The following ADORA1 variants were observed in gnomAD, a reference collection of about 807,000 sequenced individuals.
ADORA1 encodes adenosine receptor A1.
ADORA1 carries 6 observed loss-of-function variants against 19.9 expected under a neutral mutation model. The ratio of observed to expected loss-of-function variants is 0.30; its 90% CI spans 0.17 to 0.59. ADORA1 has a LOEUF of 0.59. Among genes scored for constraint, ADORA1 ranks in the 20% least tolerant of loss-of-function variants. The pLI is 0.87. For missense variants in ADORA1, 302 were observed against 439.2 expected (o/e 0.69, Z 2.79); for synonymous variants, 194 against 188.4 (o/e 1.03, Z -0.24).
intron 3 of ADORA1, chr1:203,164,956 C>T (rs1655489785): frequency 1.5e-6 from 2 of 1,365,536 alleles, no homozygotes; most frequent in Admixed American, 2.1e-5. Context: ...CACATGGGAG[C>T]AATTTTTACT....
intron 3 of ADORA1, among the ~76,000 whole-genome samples, chr1:203,132,426 A>G (rs1654372155): frequency 1.3e-5 from 2 of 152,056 alleles, no homozygotes; most frequent in African/African-American, 4.8e-5. Flanking sequence ...GGAGTGAGGG[A>G]TGGTGGGTGT....
intron 3 of ADORA1, among the ~76,000 whole-genome samples, chr1:203,154,100 C>G (rs1655119775): frequency 6.6e-6 from 1 of 152,206 alleles, no homozygotes; most frequent in Non-Finnish European, 1.5e-5. Context: ...CCATGAGGAG[C>G]AGGTGATGAG....
chr1:203,128,966 A>G lies in ADORA1; in HGVS notation c.125A>G (p.Asp42Gly). 1 of 1,614,150 alleles carries G rather than the reference A, an allele frequency of 6.2e-7. No homozygotes were observed. Among genetic ancestry groups the G allele is most frequent in the Non-Finnish European group, 8.5e-7 (1 of 1,180,040 alleles). The change falls in exon 3 of 4, where the codon GAT becomes GGT. Residue 42 changes from aspartate to glycine, a missense_variant. Transcript: ENST00000337894. The surrounding 1 kb of genome is among the most constrained non-coding windows in gnomAD (Gnocchi z 5.9). Reference protein sequence around the residue: ...WAVKVNQALRDATFCFIVSLA... With the variant: ...WAVKVNQALRGATFCFIVSLA... ...GTGAAGGTGAACCAGGCGCTGCGGG[A>G]TGCCACCTTCTGCTTCATCGTGTCG...
intron 3 of ADORA1, 32 bp downstream of exon 3, chr1:203,129,214 A>G (rs753636552): frequency 2.5e-6 from 4 of 1,576,610 alleles, no homozygotes; most frequent in Non-Finnish European, 3.5e-6. Flanking sequence ...TACTCGCAGC[A>G]CCACATGATG....
intron 3 of ADORA1, among the ~76,000 whole-genome samples, chr1:203,147,014 C>T (rs185813111): frequency 3.2e-4 from 48 of 152,338 alleles, no homozygotes; most frequent in Middle Eastern, 3.4e-3. Context: ...GAGTGCTTCA[C>T]GCAAAGAGCA....
chr1:203,132,573 T>C (rs1192211601), intron 3 of ADORA1, among the ~76,000 whole-genome samples: 2 of 152,204 alleles, frequency 1.3e-5, no homozygotes, highest in African/African-American at 4.8e-5. Flanking sequence ...TGGGGCATGG[T>C]GGCTCATGCC....
intron 3 of ADORA1, among the ~76,000 whole-genome samples, chr1:203,157,792 G>A (rs1281179153): frequency 6.6e-6 from 1 of 152,224 alleles, no homozygotes; most frequent in Non-Finnish European, 1.5e-5. Flanking sequence ...CTACATCTGG[G>A]CCTGCTTGAG....
rs1353616119 is a variant in ADORA1 at position 203,128,358 on chromosome 1, C to T, written c.-132C>T. 1.6e-6 allele frequency: 2 copies of T among 1,289,992 alleles called. No individual in the cohort carries two copies. The highest frequency in any genetic ancestry group is 2.0e-6 in the Non-Finnish European group (2 of 989,246). 79.9% of individuals were successfully genotyped at this position (1,289,992 alleles called of 1,614,324 possible). A position where few individuals can be genotyped will look rare whatever the true frequency, so the allele number is the denominator to read the frequency against. ...TCCAGAGCCCAGCCCAGCCCTACCG[C>T]GCGCGGCCCGGAGCTCTGTTCCCTG... On this transcript the variant is annotated 5_prime_UTR_variant, in exon 2 of 4. Transcript: ENST00000337894. This position sits in a 1 kb window ranked among gnomAD's most constrained non-coding sequence, Gnocchi z 5.9.
chr1:203,137,734 C>T (rs1207136533), intron 3 of ADORA1, among the ~76,000 whole-genome samples: 1 of 152,094 alleles, frequency 6.6e-6, no homozygotes, highest in Non-Finnish European at 1.5e-5. Flanking sequence ...TAAAATTTTG[C>T]ATATGTATAT....
chr1:203,165,203 G>C lies in ADORA1; in HGVS notation c.342-58G>C, dbSNP rs1431024601. On this transcript the variant is annotated intron_variant, in intron 3 of 3. Transcript: ENST00000337894. This position sits in a 1 kb window ranked among gnomAD's most constrained non-coding sequence, Gnocchi z 5.9. ...CCCTGGAGGCCAGGCGTGCCTCAGAGGGGCCTTTCGAGGCAGCTGGGAGGC... is the reference window on the plus strand; with the variant it reads ...CCCTGGAGGCCAGGCGTGCCTCAGACGGGCCTTTCGAGGCAGCTGGGAGGC... The C allele has an allele frequency of 1.9e-6, 3 of 1,600,558 alleles. No individual in the cohort carries two copies. In the African/African-American group the frequency reaches 4.0e-5, roughly 22 times the overall value.
At chr1:203,141,673 C>T (rs756515594) in intron 3 of ADORA1, among the ~76,000 whole-genome samples, 3 of 150,550 alleles carry the variant, frequency 2.0e-5, no homozygotes, top group Admixed American at 6.6e-5. Flanking sequence ...CTCTGCCTCC[C>T]GGGTTCAAGT....
chr1:203,164,493 A>G (rs1387393148), intron 3 of ADORA1, among the ~76,000 whole-genome samples: 1 of 152,220 alleles, frequency 6.6e-6, no homozygotes, highest in African/African-American at 2.4e-5. Context: ...AGTGAATATC[A>G]GTTTTCTTTC....
intron 3 of ADORA1, among the ~76,000 whole-genome samples, chr1:203,143,613 A>T (rs1654767830): frequency 6.6e-6 from 1 of 152,120 alleles, no homozygotes; most frequent in Non-Finnish European, 1.5e-5. Flanking sequence ...TCAAAAAATA[A>T]TATTCTTGGC....
In ADORA1 at chr1:203,164,946, C is replaced by T. The variant is rs1655489303; in HGVS notation, c.342-315C>T. On this transcript the variant is annotated intron_variant, in intron 3 of 3. Transcript: ENST00000337894. The stretch of plus-strand genomic sequence containing the variant: ...AGATAACCAGTGGGGGCATGCTGAG[C>T]ACATGGGAGCAATTTTTACTGTGGT... The T allele has an allele frequency of 2.4e-6, 3 of 1,225,176 alleles. No homozygotes were observed. The African/African-American group carries it at 4.5e-5, about 19-fold the overall frequency. The allele number at this position is 1,225,176 out of a possible 1,614,324, so 75.9% of individuals were successfully genotyped here. A position where few individuals can be genotyped will look rare whatever the true frequency, so the allele number is the denominator to read the frequency against.
chr1:203,143,254 A>G (rs1243322779), intron 3 of ADORA1, among the ~76,000 whole-genome samples: 1 of 152,190 alleles, frequency 6.6e-6, no homozygotes, highest in Non-Finnish European at 1.5e-5. Flanking sequence ...AGGGCATCAC[A>G]TGGTGAGAGG....
chr1:203,128,622 G>C lies in ADORA1; in HGVS notation c.-57-163G>C, dbSNP rs1654231223. Among the ~76,000 whole-genome samples the C allele has an allele frequency of 6.6e-6, 1 of 152,212 alleles. No individual in the cohort carries two copies. The highest frequency in any genetic ancestry group is 2.1e-4 in the South Asian group (1 of 4,836). ...ACCTCTGGGAATGATAAAGGGAAGG[G>C]ACAAAGATTAGGCAGAGAAGGGTCC... On this transcript the variant is annotated intron_variant, in intron 2 of 3. Coordinates refer to ENST00000337894, the MANE Select transcript of ADORA1 (RefSeq NM_000674.3). The surrounding 1 kb of genome is among the most constrained non-coding windows in gnomAD (Gnocchi z 5.9).
Position 203,165,806 on chromosome 1 carries a change from G to A in ADORA1, c.887G>A (p.Arg296His), listed in dbSNP as rs142252167. 13 of 1,612,664 alleles carry A rather than the reference G, an allele frequency of 8.1e-6. No individual in the cohort carries two copies. In the African/African-American group the frequency reaches 1.1e-4, roughly 13 times the overall value. ...TATGCCTTCCGCATCCAGAAGTTCC[G>A]CGTCACCTTCCTTAAGATTTGGAAT... ...IVYAFRIQKF[R>H]VTFLKIWNDH... is the part of the protein sequence containing the mutation. Residue 296 changes from arginine (R) to histidine (H), a missense_variant, in exon 4 of 4, where the codon CGC (arginine) becomes CAC (histidine). Arg to His is a conservative substitution (Grantham distance 29). Transcript: ENST00000337894. This position sits in a 1 kb window ranked among gnomAD's most constrained non-coding sequence, Gnocchi z 5.9.
chr1:203,161,429 G>T (rs988282133), intron 3 of ADORA1, among the ~76,000 whole-genome samples: 1 of 152,110 alleles, frequency 6.6e-6, no homozygotes, highest in East Asian at 1.9e-4. Context: ...ACACAGGGGG[G>T]CCCCTGTCTC....
chr1:203,151,784 G>GCATACATTCATT (rs1392623430), intron 3 of ADORA1, among the ~76,000 whole-genome samples: 1 of 81,274 alleles, frequency 1.2e-5, no homozygotes, highest in Non-Finnish European at 3.0e-5. Context: ...CTTCATGCAT[G>GCATACATTCATT]CATGCATTCA....
Sources: allele counts gnomAD v4.1 joint callset (sites outside exome capture counted in the v4.1 genomes callset), GRCh38; gene constraint gnomAD v4.1.1; non-coding constraint Gnocchi (gnomAD v3.1); transcripts MANE v1.5; gene names NCBI Gene and HGNC (gene_info 2026-07-23, HGNC 2026-07-21).